HMOX2: variants seen among roughly 807,000 people sequenced by gnomAD.
The protein encoded by HMOX2 is heme oxygenase (decycling) 2.
A neutral mutation model predicts 33.7 loss-of-function variants in HMOX2; 30 were observed. The observed-to-expected ratio is 0.89, with a 90% CI of 0.67 to 1.21. The LOEUF is 1.21. Ranked by LOEUF, HMOX2 falls within the 50% of genes most tolerant of loss-of-function variation. The pLI is 0.00. For missense variants in HMOX2, 403 were observed against 399.1 expected, an observed-to-expected ratio of 1.01 and a Z score of -0.08; for synonymous variants, 155 against 155.0, an observed-to-expected ratio of 1.00 and a Z score of 0.00.
rs148822872 is a variant in HMOX2 at position 4,505,532 on chromosome 16, C to T, written c.8C>T (p.Ala3Val). Residue 3 changes from alanine (A) to valine (V), a missense_variant, in exon 2 of 6, where the codon GCG becomes GTG. By Grantham distance (64) the Ala-to-Val change is moderately conservative. Coordinates refer to ENST00000570646, the MANE Select transcript of HMOX2 (RefSeq NM_002134.4). MS[A>V]EVETSEGVDE... Reference sequence around the variant, plus strand: ...GAACCACACCCAGCAGCAATGTCAGCGGAAGTGGAAACCTCAGAGGGGGTA... The same window carrying T: ...GAACCACACCCAGCAGCAATGTCAGTGGAAGTGGAAACCTCAGAGGGGGTA... The T allele has an allele frequency of 2.9e-5, 46 of 1,604,926 alleles. No homozygotes were observed. The highest frequency in any genetic ancestry group is 1.0e-4 in the Admixed American group (6 of 58,970).
At chr16:4,489,233 G>C (rs1449194330) in intron 1 of HMOX2, among the ~76,000 whole-genome samples, 2 of 152,036 alleles carry the variant, frequency 1.3e-5, no homozygotes, top group Non-Finnish European at 2.9e-5. Flanking sequence ...TGAGTTACTC[G>C]AGCACAAAGC....
chr16:4,480,307 C>G (rs1034593862), intron 1 of HMOX2, among the ~76,000 whole-genome samples: 5 of 150,472 alleles, frequency 3.3e-5, no homozygotes, highest in African/African-American at 1.2e-4. Context: ...CTTGGCCTCC[C>G]AAAGTGCTAG....
chr16:4,476,382 G>C (rs1881018962), upstream of HMOX2: 2 of 152,252 alleles, frequency 1.3e-5, no homozygotes, highest in African/African-American at 2.4e-5. Context: ...ACGTTGCGCC[G>C]GCCTCGCGCC....
At chr16:4,491,457 C>T (rs1475573124) in intron 1 of HMOX2, among the ~76,000 whole-genome samples, 1 of 152,006 alleles carries the variant, frequency 6.6e-6, no homozygotes, top group Non-Finnish European at 1.5e-5. Flanking sequence ...CAACACTCGC[C>T]TGGGCAACAT....
At chr16:4,504,245 G>T (rs1333210222) in intron 1 of HMOX2, among the ~76,000 whole-genome samples, 1 of 152,144 alleles carries the variant, frequency 6.6e-6, no homozygotes, top group African/African-American at 2.4e-5. Context: ...CTCACAGGTA[G>T]GATGAACTGG....
In HMOX2 at chr16:4,508,007, C is replaced by G. The variant is rs765075636; in HGVS notation, c.499C>G (p.Leu167Val). 2 of 1,613,914 alleles carry G rather than the reference C, an allele frequency of 1.2e-6. No individual in the cohort carries two copies. Among genetic ancestry groups the G allele is most frequent in the South Asian group, 2.2e-5 (2 of 91,062 alleles). The change falls in exon 4 of 6, where the codon CTG becomes GTG. Residue 167 changes from leucine to valine, a missense_variant. Coordinates refer to ENST00000570646, the MANE Select transcript of HMOX2 (RefSeq NM_002134.4). ...GGGGGATCTCTCGGGGGGCCAGGTG[C>G]TGAAGAAGGTGGCCCAGCGAGCACT... ...YMGDLSGGQV[L>V]KKVAQRALKL...
At chr16:4,493,303 G>T (rs2058347419) in intron 1 of HMOX2, among the ~76,000 whole-genome samples, 1 of 152,138 alleles carries the variant, frequency 6.6e-6, no homozygotes, top group South Asian at 2.1e-4. Context: ...CAATCCTCCT[G>T]CCTTGGCTTC....
intron 1 of HMOX2, among the ~76,000 whole-genome samples, chr16:4,489,603 C>T (rs920860298): frequency 6.6e-6 from 1 of 152,166 alleles, no homozygotes; most frequent in Non-Finnish European, 1.5e-5. Context: ...GGACTACAGG[C>T]ATGTGCCACC....
At chr16:4,482,457 A>G (rs1268376757) in intron 1 of HMOX2, among the ~76,000 whole-genome samples, 1 of 152,176 alleles carries the variant, frequency 6.6e-6, no homozygotes, top group Non-Finnish European at 1.5e-5. Context: ...TCTCTAGTAG[A>G]CACACCGGTG....
In HMOX2 at chr16:4,506,917, C is replaced by T; in HGVS notation, c.109C>T (p.Leu37=). The T allele has an allele frequency of 6.2e-7, 1 of 1,613,960 alleles. No individual in the cohort carries two copies. Among genetic ancestry groups the T allele is most frequent in the Non-Finnish European group, 8.5e-7 (1 of 1,179,872 alleles). ...CAGAATGGCTGACCTCTCGGAGCTC[C>T]TGAAGGAAGGGACCAAGGAAGCACA... ...QMRMADLSEL[L]KEGTKEAHDR... The change falls in exon 3 of 6, where the codon CTG becomes TTG. Residue 37 remains leucine (L), a synonymous_variant. Transcript: ENST00000570646.
chr16:4,494,973 AC>A (rs2058385308), intron 1 of HMOX2, among the ~76,000 whole-genome samples: 1 of 152,038 alleles, frequency 6.6e-6, no homozygotes, highest in Admixed American at 6.6e-5. Flanking sequence ...GGAGGTCAAG[AC>A]CAGTCTCGGT....
At position 4,509,711 on chromosome 16, in the gene HMOX2, T is replaced by G; in HGVS notation, c.906T>G (p.Ala302=). The G allele has an allele frequency of 6.2e-7, 1 of 1,613,988 alleles. No individual in the cohort carries two copies. The highest frequency in any genetic ancestry group is 2.2e-5 in the East Asian group (1 of 44,880). ...CCAGCCTCCAGTTCATCCTGGCCGC[T>G]GGTGTGGCCCTAGCTGCTGGACTCT... ...RKPSLQFILA[A]GVALAAGLLA... Residue 302 remains alanine (A), a synonymous_variant, in exon 6 of 6, where the codon GCT becomes GCG. Transcript: ENST00000570646.
intron 2 of HMOX2, among the ~76,000 whole-genome samples, chr16:4,506,282 A>G (rs1231297139): frequency 6.6e-6 from 1 of 152,100 alleles, no homozygotes; most frequent in Non-Finnish European, 1.5e-5. Flanking sequence ...TACCTTGTCC[A>G]TCCATCCACA....
At chr16:4,488,511 CTG>C (rs2058229526) in intron 1 of HMOX2, 1 of 151,958 alleles carries the variant, frequency 6.6e-6, no homozygotes, top group Non-Finnish European at 1.5e-5. Flanking sequence ...ATTATGATAA[CTG>C]TAGCATTTTC....
intron 1 of HMOX2, among the ~76,000 whole-genome samples, chr16:4,482,584 G>C (rs2058058282): frequency 6.6e-6 from 1 of 152,188 alleles, no homozygotes; most frequent in African/African-American, 2.4e-5. Context: ...GTCACAAGTA[G>C]TAAATTGTCA....
chr16:4,485,532 G>T (rs930495072), intron 1 of HMOX2, among the ~76,000 whole-genome samples: 1 of 152,102 alleles, frequency 6.6e-6, no homozygotes, highest in Admixed American at 6.6e-5. Flanking sequence ...GAGAAATGGA[G>T]AAAATGGGAG....
chr16:4,490,692 AGCT>A (rs1392489707), intron 1 of HMOX2, among the ~76,000 whole-genome samples: 2 of 152,320 alleles, frequency 1.3e-5, no homozygotes, highest in South Asian at 2.1e-4. Flanking sequence ...TGCCTCTAAT[AGCT>A]TCTTCTGTTT....
At chr16:4,484,362 T>G (rs2058109691) in intron 1 of HMOX2, among the ~76,000 whole-genome samples, 1 of 152,058 alleles carries the variant, frequency 6.6e-6, no homozygotes, top group Non-Finnish European at 1.5e-5. Context: ...TGAGGCCATT[T>G]GAGAAGTATA....
At chr16:4,509,144 G>A (rs2058767558) in intron 4 of HMOX2, among the ~76,000 whole-genome samples, 1 of 152,258 alleles carries the variant, frequency 6.6e-6, no homozygotes, top group South Asian at 2.1e-4. Context: ...CTTGACCCCA[G>A]GAGTTGAAGA....
Sources: gnomAD v4.1 joint callset for allele counts (sites outside exome capture counted in the v4.1 genomes callset) on GRCh38, gnomAD v4.1.1 for gene constraint, MANE v1.5 for transcripts, NCBI Gene and HGNC (gene_info 2026-07-23, HGNC 2026-07-21) for gene names.